GRIN2A: variants seen among roughly 807,000 people sequenced by gnomAD.
GRIN2A encodes glutamate receptor ionotropic, NMDA 2A.
In GRIN2A, 22 loss-of-function variants were observed where a neutral mutation model predicts 113.4. The ratio of observed to expected loss-of-function variants is 0.19; its 90% CI spans 0.14 to 0.28. The LOEUF (loss-of-function observed/expected upper bound fraction) is 0.28, where lower values mean the gene tolerates loss of function less well. Among genes scored for constraint, GRIN2A ranks in the 10% least tolerant of loss-of-function variants. The pLI is 1.00. For synonymous variants in GRIN2A, 827 were observed against 738.4 expected (o/e 1.12, Z -1.94); for missense variants, 1,502 against 1,887.0 (o/e 0.80, Z 3.78).
At chr16:9,783,100 C>T (rs1450285152) in intron 11 of GRIN2A, among the ~76,000 whole-genome samples, 1 of 152,156 alleles carries the variant, frequency 6.6e-6, no homozygotes, top group Non-Finnish European at 1.5e-5. Context: ...TTAATGATCA[C>T]CCCCTTCTGA....
At chr16:9,900,589 G>GT (rs2141514702) in intron 3 of GRIN2A, among the ~76,000 whole-genome samples, 1 of 152,294 alleles carries the variant, frequency 6.6e-6, no homozygotes, top group South Asian at 2.1e-4. Context: ...TCAACTAGAA[G>GT]CAGGGTGTAT....
At chr16:10,142,613 T>C (rs911642275) in intron 2 of GRIN2A, among the ~76,000 whole-genome samples, 1 of 152,170 alleles carries the variant, frequency 6.6e-6, no homozygotes, top group Non-Finnish European at 1.5e-5. Flanking sequence ...GAGGGAAGAT[T>C]GCTTGAGCCC....
chr16:9,928,886 G>A (rs2044526390), intron 3 of GRIN2A, among the ~76,000 whole-genome samples: 1 of 152,296 alleles, frequency 6.6e-6, no homozygotes, highest in South Asian at 2.1e-4. Flanking sequence ...CTGCAAGGAT[G>A]CACCCAACCC....
chr16:9,913,987 A>G (rs1429860061), intron 3 of GRIN2A, among the ~76,000 whole-genome samples: 3 of 152,218 alleles, frequency 2.0e-5, no homozygotes. Context: ...AAAGAACAAA[A>G]TTACAAAATC....
intron 7 of GRIN2A, among the ~76,000 whole-genome samples, chr16:9,835,226 G>C (rs1285510065): frequency 1.3e-5 from 2 of 152,236 alleles, no homozygotes; most frequent in African/African-American, 2.4e-5. Flanking sequence ...ATCTTCACAT[G>C]ATAATTCAAT....
intron 2 of GRIN2A, among the ~76,000 whole-genome samples, chr16:10,085,829 G>T (rs990939418): frequency 1.3e-5 from 2 of 152,036 alleles, no homozygotes; most frequent in African/African-American, 4.8e-5. Flanking sequence ...GCCAAGAAGG[G>T]GTTCCATTTA....
At position 9,758,303 on chromosome 16, in the gene GRIN2A, T is replaced by G. The variant is rs138254781; in HGVS notation, c.*4846A>C. On this transcript the variant is annotated 3_prime_UTR_variant, in exon 13 of 13. Transcript: ENST00000330684. ...TGTGTTTAAGGAAATCACACACAAGTCCATATCGGCATTGTCTTCAGAAGC... is the reference window on the plus strand; with the variant it reads ...TGTGTTTAAGGAAATCACACACAAGGCCATATCGGCATTGTCTTCAGAAGC... 8.9e-6 allele frequency: 2 copies of G among 224,438 alleles called. No homozygotes were observed. The highest frequency in any genetic ancestry group is 1.8e-5 in the Non-Finnish European group (2 of 112,582). 13.9% of individuals were successfully genotyped at this position (224,438 alleles called of 1,614,324 possible). A position where few individuals can be genotyped will look rare whatever the true frequency, so the allele number is the denominator to read the frequency against.
At chr16:9,791,361 A>G (rs1466315386) in intron 11 of GRIN2A, among the ~76,000 whole-genome samples, 1 of 152,204 alleles carries the variant, frequency 6.6e-6, no homozygotes, top group African/African-American at 2.4e-5. Context: ...TAAAAAAAAA[A>G]TTTCAAATGG....
At position 9,768,983 on chromosome 16, in the gene GRIN2A, G is replaced by A. The variant is rs760949199; in HGVS notation, c.2463C>T (p.Phe821=). ...QLDIDNMAGV[F]YMLAAAMALS... Reference sequence around the variant, plus strand: ...GGGCCATGGCGGCAGCCAGCATGTAGAATACGCCCGCCATGTTGTCAATGT... The same window carrying A: ...GGGCCATGGCGGCAGCCAGCATGTAAAATACGCCCGCCATGTTGTCAATGT... The change falls in exon 12 of 13, where the codon TTC becomes TTT. Residue 821 remains phenylalanine (F), a synonymous_variant. Transcript: ENST00000330684. The A allele has an allele frequency of 6.2e-7, 1 of 1,614,010 alleles. No individual in the cohort carries two copies. Among genetic ancestry groups the A allele is most frequent in the East Asian group, 2.2e-5 (1 of 44,888 alleles).
chr16:10,006,804 C>A (rs533357755), intron 2 of GRIN2A, among the ~76,000 whole-genome samples: 1 of 152,274 alleles, frequency 6.6e-6, no homozygotes, highest in Non-Finnish European at 1.5e-5. Flanking sequence ...TTCCCAGACT[C>A]TAGTAACCAT....
intron 2 of GRIN2A, among the ~76,000 whole-genome samples, chr16:10,065,577 A>G (rs2047633907): frequency 6.6e-6 from 1 of 152,190 alleles, no homozygotes; most frequent in South Asian, 2.1e-4. Flanking sequence ...TCTTATCTCT[A>G]AAATAGGGCT....
chr16:9,768,798 C>T (rs1183766637), intron 12 of GRIN2A, 53 bp downstream of exon 12: 97 of 1,197,016 alleles, frequency 8.1e-5, no homozygotes, highest in Non-Finnish European at 1.0e-4. Flanking sequence ...AGAACCCAAG[C>T]GCTTTTCTAA....
At chr16:10,001,577 T>G (rs1259345315) in intron 2 of GRIN2A, among the ~76,000 whole-genome samples, 1 of 152,168 alleles carries the variant, frequency 6.6e-6, no homozygotes, top group African/African-American at 2.4e-5. Context: ...ATTCCACAAG[T>G]GCTTCCATGC....
intron 2 of GRIN2A, among the ~76,000 whole-genome samples, chr16:10,149,765 A>T (rs780040913): frequency 2.0e-5 from 3 of 152,150 alleles, no homozygotes; most frequent in Non-Finnish European, 2.9e-5. Flanking sequence ...AACTCCTACT[A>T]TCCATGCAGC....
intron 2 of GRIN2A, among the ~76,000 whole-genome samples, chr16:10,098,787 T>G (rs2048341337): frequency 6.6e-6 from 1 of 152,080 alleles, no homozygotes; most frequent in African/African-American, 2.4e-5. Flanking sequence ...AATGACACAA[T>G]GGACGCTGGA....
intron 2 of GRIN2A, among the ~76,000 whole-genome samples, chr16:10,094,883 C>A (rs1235310539): frequency 7.8e-4 from 92 of 117,406 alleles, no homozygotes; most frequent in Non-Finnish European, 9.9e-4. Flanking sequence ...GAATGTGCAC[C>A]AAAAAAAAAA....
At position 9,969,463 on chromosome 16, in the gene GRIN2A, T is replaced by C. The variant is rs2045628557; in HGVS notation, c.415-30912A>G. On this transcript the variant is annotated intron_variant, in intron 2 of 12. Transcript: ENST00000330684. ...ACTTGGACATTTTATCCATCCTTCA[T>C]GGTTTTAAATATATGCCAATGCCTT... 2.0e-5 allele frequency among the ~76,000 whole-genome samples: 3 copies of C among 152,224 alleles called. No individual in the cohort carries two copies. In the South Asian group the frequency reaches 6.2e-4, roughly 31 times the overall value.
intron 4 of GRIN2A, among the ~76,000 whole-genome samples, chr16:9,877,825 C>A: frequency 9.0e-6 from 1 of 111,018 alleles, no homozygotes; most frequent in East Asian, 2.5e-4. Flanking sequence ...CCCCATCCCC[C>A]CTCCCTGTCC....
chr16:10,036,689 G>A (rs1055028773), intron 2 of GRIN2A, among the ~76,000 whole-genome samples: 4 of 150,860 alleles, frequency 2.7e-5, no homozygotes, highest in African/African-American at 7.3e-5. Flanking sequence ...CTCGTGATCC[G>A]CCCACCTCGG....
Sources: allele counts gnomAD v4.1 joint callset (sites outside exome capture counted in the v4.1 genomes callset), GRCh38; gene constraint gnomAD v4.1.1; transcripts MANE v1.5; gene names NCBI Gene and HGNC (gene_info 2026-07-23, HGNC 2026-07-21).